The following CTNNA2 variants were observed in gnomAD, a reference collection of about 807,000 sequenced individuals.
The protein encoded by CTNNA2 is catenin alpha 2.
In CTNNA2, 42 loss-of-function variants were observed where a neutral mutation model predicts 101.0. The observed-to-expected ratio is 0.42, with a 90% CI of 0.32 to 0.54. CTNNA2 has a LOEUF of 0.54. Among genes scored for constraint, CTNNA2 ranks in the 20% least tolerant of loss-of-function variants. CTNNA2 has a pLI of 0.14. For missense variants in CTNNA2, 871 were observed against 1,223.1 expected, an observed-to-expected ratio of 0.71 and a Z score of 4.29; for synonymous variants, 450 against 456.4, an observed-to-expected ratio of 0.99 and a Z score of 0.18.
At chr2:80,285,539 T>C (rs142640105) in intron 7 of CTNNA2, among the ~76,000 whole-genome samples, 172 of 152,288 alleles carry the variant, frequency 1.1e-3, no homozygotes, top group African/African-American at 4.0e-3. Context: ...AGGTGAATGG[T>C]CATCTTGCTT....
intron 1 of CTNNA2, among the ~76,000 whole-genome samples, chr2:79,616,362 A>G (rs961212446): frequency 4.6e-5 from 7 of 152,212 alleles, no homozygotes; most frequent in South Asian, 2.1e-4. Context: ...ACTAAAATCT[A>G]TAGAGACTTT....
intron 3 of CTNNA2, among the ~76,000 whole-genome samples, chr2:79,767,628 G>C (rs202033240): frequency 6.6e-6 from 1 of 152,006 alleles, no homozygotes; most frequent in East Asian, 1.9e-4. Flanking sequence ...TCTCAGACAA[G>C]ATTCAGAAGA....
At chr2:79,534,078 T>G (rs1482033861) in intron 1 of CTNNA2, among the ~76,000 whole-genome samples, 1 of 152,164 alleles carries the variant, frequency 6.6e-6, no homozygotes, top group Non-Finnish European at 1.5e-5. Context: ...CTTGTCAAAA[T>G]TGTGATGTAT....
At chr2:80,418,497 T>G (rs2149404889) in intron 8 of CTNNA2, among the ~76,000 whole-genome samples, 1 of 152,290 alleles carries the variant, frequency 6.6e-6, no homozygotes, top group Non-Finnish European at 1.5e-5. Context: ...TAAACCAAAC[T>G]AAGTTATACA....
chr2:79,462,762 T>A (rs760510419), intron 4 of CTNNA2, among the ~76,000 whole-genome samples: 3 of 152,194 alleles, frequency 2.0e-5, no homozygotes, highest in Admixed American at 6.5e-5. Flanking sequence ...ATAAACGTAT[T>A]GGTTGCTATT....
At chr2:79,204,185 G>A (rs1674071600) in intron 2 of CTNNA2, among the ~76,000 whole-genome samples, 1 of 152,222 alleles carries the variant, frequency 6.6e-6, no homozygotes, top group Non-Finnish European at 1.5e-5. Context: ...GTCCCAGAGG[G>A]GAAGTGGCCT....
chr2:80,587,606 T>A (rs2149731902), intron 14 of CTNNA2, among the ~76,000 whole-genome samples: 1 of 152,316 alleles, frequency 6.6e-6, no homozygotes, highest in South Asian at 2.1e-4. Context: ...AACCCAGTTC[T>A]TCTGAGCTCA....
intron 3 of CTNNA2, among the ~76,000 whole-genome samples, chr2:79,765,039 C>A (rs905761068): frequency 1.3e-5 from 2 of 152,142 alleles, no homozygotes; most frequent in Non-Finnish European, 2.9e-5. Context: ...AGGATCAGAG[C>A]TTCAACAAGA....
At chr2:80,412,701 A>T (rs1163213276) in intron 8 of CTNNA2, among the ~76,000 whole-genome samples, 1 of 151,978 alleles carries the variant, frequency 6.6e-6, no homozygotes, top group Non-Finnish European at 1.5e-5. Context: ...TGAGGCGGTC[A>T]TCTTAGCCCG....
intron 3 of CTNNA2, among the ~76,000 whole-genome samples, chr2:79,845,906 G>A (rs944008536): frequency 1.3e-5 from 2 of 152,166 alleles, no homozygotes; most frequent in Admixed American, 6.5e-5. Context: ...TGGTGGTGAC[G>A]TGGGGACCTC....
intron 7 of CTNNA2, among the ~76,000 whole-genome samples, chr2:80,073,730 TCACACACACACACACA>T (rs3067109): frequency 6.2e-4 from 81 of 130,504 alleles, no homozygotes; most frequent in African/African-American, 1.7e-3. Flanking sequence ...TCTCTCTCTG[TCACACACACACACACA>T]CACACACACA....
intron 7 of CTNNA2, among the ~76,000 whole-genome samples, chr2:80,257,549 T>C (rs560330650): frequency 6.6e-6 from 1 of 151,890 alleles, no homozygotes; most frequent in Non-Finnish European, 1.5e-5. Context: ...GTGGCCTGGG[T>C]GTAGCCACCC....
intron 3 of CTNNA2, among the ~76,000 whole-genome samples, chr2:79,816,201 GAGTGAC>G (rs1382578565): frequency 6.6e-6 from 1 of 152,054 alleles, no homozygotes; most frequent in African/African-American, 2.4e-5. Context: ...CGTCAGCAAT[GAGTGAC>G]AGTATGACTT....
chr2:79,619,585 C>T (rs185009216), intron 1 of CTNNA2, among the ~76,000 whole-genome samples: 141 of 152,270 alleles, frequency 9.3e-4, no homozygotes, highest in South Asian at 5.6e-3. Flanking sequence ...GATTTTAAAA[C>T]GCCTTTTTTG....
intron 4 of CTNNA2, among the ~76,000 whole-genome samples, chr2:79,424,436 T>C (rs1028209139): frequency 3.3e-5 from 5 of 152,160 alleles, no homozygotes; most frequent in African/African-American, 9.7e-5. Context: ...AACTTCACAT[T>C]CTTGATCATG....
chr2:79,745,741 G>A (rs1671600310), intron 3 of CTNNA2, among the ~76,000 whole-genome samples: 1 of 152,038 alleles, frequency 6.6e-6, no homozygotes, highest in Non-Finnish European at 1.5e-5. Flanking sequence ...GTTCATACAT[G>A]TTGTGGCATG....
chr2:80,418,437 A>G (rs1243922585), intron 8 of CTNNA2, among the ~76,000 whole-genome samples: 2 of 152,208 alleles, frequency 1.3e-5, no homozygotes, highest in Admixed American at 1.3e-4. Context: ...TCAACTTTAC[A>G]TAGACTTTAT....
rs188961749 is a variant in CTNNA2, at chr2:79,695,482, G to A, written c.102+43824G>A. 5.3e-5 allele frequency among the ~76,000 whole-genome samples: 8 copies of A among 152,088 alleles called. No homozygotes were observed. In the East Asian group the frequency reaches 1.4e-3, roughly 26 times the overall value. The stretch of plus-strand genomic sequence containing the variant: ...ACATATTCAATAAACTATAGGAGCA[G>A]TCATGAGTATTTATGAAAGGAGAAA... On this transcript the variant is annotated intron_variant, in intron 2 of 18. Coordinates refer to ENST00000402739, the MANE Select transcript of CTNNA2 (RefSeq NM_001282597.3).
At chr2:80,589,513 AT>A (rs893955609) in intron 15 of CTNNA2, 28 bp downstream of exon 15, 4 of 1,602,942 alleles carry the variant, frequency 2.5e-6, no homozygotes, top group Admixed American at 3.4e-5. Context: ...GGAGCTGAAG[AT>A]TTTTTCATTA....
Sources: gnomAD v4.1 joint callset for allele counts (sites outside exome capture counted in the v4.1 genomes callset) on GRCh38, gnomAD v4.1.1 for gene constraint, MANE v1.5 for transcripts, NCBI Gene and HGNC (gene_info 2026-07-23, HGNC 2026-07-21) for gene names.